PRKACB: variants seen among roughly 807,000 people sequenced by gnomAD.
The protein encoded by PRKACB is protein kinase cAMP-activated catalytic subunit beta.
A neutral mutation model predicts 51.4 loss-of-function variants in PRKACB; 16 were observed. The observed-to-expected ratio is 0.31, with a 90% CI of 0.21 to 0.47. The LOEUF (loss-of-function observed/expected upper bound fraction) is 0.47, where lower values mean the gene tolerates loss of function less well. Ranked by LOEUF, PRKACB falls within the 20% of genes least tolerant of loss-of-function variation. The pLI, the probability that PRKACB is intolerant of heterozygous loss-of-function variation, is 1.00. For missense variants in PRKACB, 309 were observed against 464.5 expected (o/e 0.67, Z 3.08); for synonymous variants, 147 against 154.4 (o/e 0.95, Z 0.35).
At chr1:84,159,350 TTTTA>T (rs1482594808) in intron 1 of PRKACB, among the ~76,000 whole-genome samples, 1 of 152,064 alleles carries the variant, frequency 6.6e-6, no homozygotes, top group African/African-American at 2.4e-5. Flanking sequence ...TTTCTAAGTG[TTTTA>T]TTTCTGTTGA....
chr1:84,201,524 A>G (rs57960746), intron 7 of PRKACB, among the ~76,000 whole-genome samples: 2,037 of 152,226 alleles, frequency 0.013, 55 homozygotes, highest in African/African-American at 0.045. Context: ...ATTTCTATTA[A>G]AAAACAAAGT....
chr1:84,078,287 C>G (rs199581787), exon 1 of PRKACB: 36,608 of 1,582,998 alleles, frequency 0.023, 530 homozygotes, highest in Non-Finnish European at 0.027. Flanking sequence ...CCCCAGCCCC[C>G]CTTCCCTTCC....
intron 8 of PRKACB, among the ~76,000 whole-genome samples, chr1:84,211,898 T>C (rs77720118): frequency 0.08 from 12,187 of 152,216 alleles, 663 homozygotes; most frequent in Middle Eastern, 0.17. Context: ...TATCTTATTA[T>C]TTTAGAACAT....
intron 1 of PRKACB, among the ~76,000 whole-genome samples, chr1:84,114,723 C>G (rs1650497345): frequency 1.3e-5 from 2 of 152,146 alleles, no homozygotes; most frequent in Non-Finnish European, 2.9e-5. Flanking sequence ...TGCTATCTAT[C>G]TTTCCATTCT....
intron 1 of PRKACB, chr1:84,175,650 A>G (rs1164555292): frequency 1.6e-6 from 1 of 613,202 alleles, no homozygotes; most frequent in Non-Finnish European, 2.7e-6. Flanking sequence ...TGTTCTATGT[A>G]TAAATACATT....
At chr1:84,105,203 C>T (rs1368744387) in intron 1 of PRKACB, among the ~76,000 whole-genome samples, 2 of 152,120 alleles carry the variant, frequency 1.3e-5, no homozygotes, top group Non-Finnish European at 2.9e-5. Flanking sequence ...TCTCACTGCA[C>T]TGTTAATTGG....
At chr1:84,121,557 C>G (rs1277306379) in intron 1 of PRKACB, among the ~76,000 whole-genome samples, 1 of 152,046 alleles carries the variant, frequency 6.6e-6, no homozygotes, top group African/African-American at 2.4e-5. Context: ...CCATTAGCAC[C>G]TGACATAATG....
chr1:84,081,257 G>C (rs532418765), intron 1 of PRKACB, among the ~76,000 whole-genome samples: 1 of 152,144 alleles, frequency 6.6e-6, no homozygotes, highest in Non-Finnish European at 1.5e-5. Context: ...TCTGGTGCCT[G>C]TATTGTACTC....
At chr1:84,142,226 A>G (rs1220787303), upstream of PRKACB, among the ~76,000 whole-genome samples, 7 of 152,164 alleles carry the variant, frequency 4.6e-5, no homozygotes, top group Non-Finnish European at 8.8e-5. Context: ...CATAAACAGT[A>G]CCTTTTAACA....
At chr1:84,127,630 T>C (rs1651740531) in intron 1 of PRKACB, among the ~76,000 whole-genome samples, 2 of 152,064 alleles carry the variant, frequency 1.3e-5, no homozygotes, top group Admixed American at 1.3e-4. Flanking sequence ...AAATATGAAT[T>C]TTGCGGGTTT....
chr1:84,148,385 T>C lies in PRKACB; in HGVS notation c.187+3837T>C, dbSNP rs563355076. 4.6e-5 allele frequency among the ~76,000 whole-genome samples: 7 copies of C among 151,772 alleles called. No individual in the cohort carries two copies. In the Middle Eastern group the frequency reaches 0.014, roughly 301 times the overall value. On this transcript the variant is annotated intron_variant, in intron 1 of 9. Transcript: ENST00000370685. ...TAGTATTTATATGGTATAGTTTGTATACTATATATATTATAGTTTATAATA... is the reference window on the plus strand; with the variant it reads ...TAGTATTTATATGGTATAGTTTGTACACTATATATATTATAGTTTATAATA...
intron 5 of PRKACB, among the ~76,000 whole-genome samples, chr1:84,195,786 G>A (rs988691517): frequency 3.3e-5 from 5 of 151,816 alleles, no homozygotes; most frequent in Non-Finnish European, 5.9e-5. Flanking sequence ...GGTGGTGGGC[G>A]CTTGTAATCC....
chr1:84,185,233 A>G, intron 5 of PRKACB, 51 bp downstream of exon 5: 1 of 1,346,960 alleles, frequency 7.4e-7, no homozygotes, highest in Non-Finnish European at 1.0e-6. Context: ...GTGTTGTTTA[A>G]CCAGATTTTT....
intron 1 of PRKACB, among the ~76,000 whole-genome samples, chr1:84,116,665 T>C (rs1650659816): frequency 6.6e-6 from 1 of 152,152 alleles, no homozygotes; most frequent in African/African-American, 2.4e-5. Context: ...TGTATGTTGA[T>C]TTTGTCTCCT....
chr1:84,135,899 G>T (rs2100570412), intron 1 of PRKACB, among the ~76,000 whole-genome samples: 1 of 150,998 alleles, frequency 6.6e-6, no homozygotes, highest in East Asian at 1.9e-4. Context: ...CAAAAGAAAA[G>T]AAATAATAAA....
intron 1 of PRKACB, among the ~76,000 whole-genome samples, chr1:84,151,299 T>G (rs556224119): frequency 6.6e-6 from 1 of 152,336 alleles, no homozygotes; most frequent in South Asian, 2.1e-4. Flanking sequence ...ATTATTTTAT[T>G]GCTAAAAAAA....
chr1:84,209,456 G>A (rs901548645), intron 8 of PRKACB, among the ~76,000 whole-genome samples: 2 of 151,856 alleles, frequency 1.3e-5, no homozygotes, highest in Admixed American at 6.6e-5. Flanking sequence ...AGACACCTTC[G>A]AGTCCTCACT....
chr1:84,185,053 T>G, intron 4 of PRKACB, 47 bp from the exon 5 acceptor site: 1 of 1,160,146 alleles, frequency 8.6e-7, no homozygotes, highest in Non-Finnish European at 1.2e-6. Context: ...ATTAAAATAA[T>G]TTTGACCTAA....
chr1:84,165,074 A>G (rs1656951984), intron 1 of PRKACB: 1 of 1,315,568 alleles, frequency 7.6e-7, no homozygotes, highest in South Asian at 1.4e-5. Flanking sequence ...ATAAGAGGAA[A>G]AAATATTTTT....
Sources: gnomAD v4.1 joint callset for allele counts (sites outside exome capture counted in the v4.1 genomes callset) on GRCh38, gnomAD v4.1.1 for gene constraint, MANE v1.5 for transcripts, NCBI Gene and HGNC (gene_info 2026-07-23, HGNC 2026-07-21) for gene names.